The following RPS6KC1 variants were observed in gnomAD, a reference collection of about 807,000 sequenced individuals.
RPS6KC1 encodes inactive ribosomal protein S6 kinase delta-1.
RPS6KC1 carries 54 observed loss-of-function variants against 103.8 expected under a neutral mutation model. The ratio of observed to expected loss-of-function variants is 0.52; its 90% confidence interval spans 0.42 to 0.65. The LOEUF is 0.65. Among genes scored for constraint, RPS6KC1 ranks in the 30% least tolerant of loss-of-function variants. The pLI, the probability that RPS6KC1 is intolerant of heterozygous loss-of-function variation, is 0.00. For missense variants in RPS6KC1, 1,151 were observed against 1,253.8 expected (o/e 0.92, Z 1.24); for synonymous variants, 439 against 438.7 (o/e 1.00, Z -0.01).
chr1:213,845,925 C>T, the RPS6KC1 span, among the ~76,000 whole-genome samples: 1 of 151,998 alleles, frequency 6.6e-6, no homozygotes, highest in East Asian at 1.9e-4. Flanking sequence ...TTAGGGACCC[C>T]TAGGGTATTT....
the RPS6KC1 span, among the ~76,000 whole-genome samples, chr1:213,417,117 G>T: frequency 6.6e-6 from 1 of 152,184 alleles, no homozygotes; most frequent in Admixed American, 6.5e-5. Context: ...GGGACCATCG[G>T]GCCCTCATCA....
the RPS6KC1 span, among the ~76,000 whole-genome samples, chr1:213,467,283 T>G: frequency 6.6e-6 from 1 of 152,344 alleles, no homozygotes; most frequent in Admixed American, 6.5e-5. Flanking sequence ...GTTTTCATCT[T>G]GGATGGAAAT....
chr1:213,332,933 T>A, the RPS6KC1 span, among the ~76,000 whole-genome samples: 163 of 152,084 alleles, frequency 1.1e-3, 1 homozygote, highest in African/African-American at 3.9e-3. Flanking sequence ...AAACTCAGGG[T>A]TCCAAGGGGG....
intron 3 of RPS6KC1, among the ~76,000 whole-genome samples, chr1:213,093,422 C>T (rs1395351482): frequency 6.6e-6 from 1 of 151,858 alleles, no homozygotes; most frequent in Admixed American, 6.6e-5. Context: ...GTTGGCCAGG[C>T]TGGTTTCAAA....
At chr1:213,080,965 T>C (rs1000688127) in intron 3 of RPS6KC1, among the ~76,000 whole-genome samples, 4 of 152,288 alleles carry the variant, frequency 2.6e-5, no homozygotes, top group African/African-American at 9.6e-5. Context: ...TTACAATTAC[T>C]GTGCCAACAT....
At chr1:213,390,927 C>G in the RPS6KC1 span, among the ~76,000 whole-genome samples, 1 of 152,060 alleles carries the variant, frequency 6.6e-6, no homozygotes, top group African/African-American at 2.4e-5. Context: ...CCATACTTCT[C>G]AAACAACTGG....
At chr1:213,281,673 C>T in the RPS6KC1 span, among the ~76,000 whole-genome samples, 1 of 152,232 alleles carries the variant, frequency 6.6e-6, no homozygotes, top group South Asian at 2.1e-4. Context: ...CTCTCTGTCC[C>T]TCTGCTGCAG....
Position 213,242,128 on chromosome 1 carries a change from G to A in RPS6KC1, c.2652G>A (p.Gln884=). Residue 884 remains glutamine (Q), a synonymous_variant, in exon 11 of 15, where the codon CAG becomes CAA. Transcript: ENST00000366960. The part of the protein sequence containing the change: ...LVLEGDKEIH[Q]IFEDLDKKLA... ...TAGAAGGAGACAAGGAAATACATCA[G>A]ATTTTTGAGGACCTTGATAAAAAAT... 6.2e-7 allele frequency: 1 copy of A among 1,613,754 alleles called. No individual in the cohort carries two copies. Among genetic ancestry groups the A allele is most frequent in the Non-Finnish European group, 8.5e-7 (1 of 1,179,760 alleles).
At chr1:213,077,346 A>G (rs911505505) in intron 2 of RPS6KC1, among the ~76,000 whole-genome samples, 1 of 152,226 alleles carries the variant, frequency 6.6e-6, no homozygotes, top group African/African-American at 2.4e-5. Flanking sequence ...TTTATATAGT[A>G]TAAATCTTCT....
At chr1:213,500,890 C>A in the RPS6KC1 span, among the ~76,000 whole-genome samples, 1 of 151,874 alleles carries the variant, frequency 6.6e-6, no homozygotes, top group Admixed American at 6.6e-5. Flanking sequence ...CCATATCCAC[C>A]GTAGAATATA....
the RPS6KC1 span, among the ~76,000 whole-genome samples, chr1:213,293,384 T>C: frequency 6.6e-6 from 1 of 152,188 alleles, no homozygotes; most frequent in Non-Finnish European, 1.5e-5. Flanking sequence ...CCTTTCTCTC[T>C]ACCCCCATTA....
the RPS6KC1 span, among the ~76,000 whole-genome samples, chr1:213,424,274 TTG>T: frequency 6.6e-6 from 1 of 152,222 alleles, no homozygotes; most frequent in African/African-American, 2.4e-5. Flanking sequence ...TGTTTTTGTT[TTG>T]TGTTTTCTTT....
At chr1:213,668,946 T>C in the RPS6KC1 span, among the ~76,000 whole-genome samples, 91 of 152,350 alleles carry the variant, frequency 6.0e-4, 1 homozygote, top group African/African-American at 2.1e-3. Flanking sequence ...TTCACAGAAT[T>C]GAAGAGAGCT....
chr1:213,363,615 TTGCTTGCTTG>T, the RPS6KC1 span, among the ~76,000 whole-genome samples: 9 of 85,406 alleles, frequency 1.1e-4, no homozygotes, highest in African/African-American at 3.0e-4. Flanking sequence ...GCTTGCTTGC[TTGCTTGCTTG>T]CTTTCTTTCT....
chr1:213,628,705 C>T, the RPS6KC1 span, among the ~76,000 whole-genome samples: 135 of 152,046 alleles, frequency 8.9e-4, no homozygotes, highest in Non-Finnish European at 1.3e-3. Context: ...TTCCTGCTTT[C>T]TCTTGTGGGC....
chr1:213,146,674 G>A (rs1331893445), intron 6 of RPS6KC1, among the ~76,000 whole-genome samples: 2 of 151,674 alleles, frequency 1.3e-5, no homozygotes, highest in Non-Finnish European at 2.9e-5. Flanking sequence ...ATCTGCCCAC[G>A]TCGGCCTCCC....
chr1:213,756,704 C>T, the RPS6KC1 span, among the ~76,000 whole-genome samples: 4 of 152,058 alleles, frequency 2.6e-5, no homozygotes, highest in South Asian at 4.1e-4. Context: ...TGCAGCCTCA[C>T]CCTCTGGGCT....
At chr1:213,649,274 A>G in the RPS6KC1 span, among the ~76,000 whole-genome samples, 1 of 150,296 alleles carries the variant, frequency 6.7e-6, no homozygotes, top group Non-Finnish European at 1.5e-5. Flanking sequence ...AAAAAAAAAA[A>G]GTCTCCAACA....
At chr1:213,631,713 G>C in the RPS6KC1 span, among the ~76,000 whole-genome samples, 92 of 152,174 alleles carry the variant, frequency 6.0e-4, no homozygotes, top group African/African-American at 2.2e-3. Flanking sequence ...CTTGATAAGT[G>C]TGTTGATTTT....
Sources: allele counts gnomAD v4.1 joint callset (sites outside exome capture counted in the v4.1 genomes callset), GRCh38; gene constraint gnomAD v4.1.1; transcripts MANE v1.5; gene names NCBI Gene and HGNC (gene_info 2026-07-23, HGNC 2026-07-21).